The following DSCAM variants were observed in gnomAD, a reference collection of about 807,000 sequenced individuals.
The protein encoded by DSCAM is cell adhesion molecule DSCAM.
Under a neutral mutation model 217.7 loss-of-function variants are expected in DSCAM, and 47 were observed. The ratio of observed to expected loss-of-function variants is 0.22; its 90% confidence interval spans 0.17 to 0.28. The LOEUF is 0.28. DSCAM is among the 10% of genes least tolerant of loss of function. The pLI, the probability that DSCAM is intolerant of heterozygous loss-of-function variation, is 1.00. For missense variants in DSCAM, 2,080 were observed against 2,618.3 expected, an observed-to-expected ratio of 0.79 and a Z score of 4.49; for synonymous variants, 1,056 against 1,015.3, an observed-to-expected ratio of 1.04 and a Z score of -0.76.
At chr21:40,013,497 G>A (rs2088100450) in intron 32 of DSCAM, 111 bp from the exon 33 acceptor site, 3 of 702,100 alleles carry the variant, frequency 4.3e-6, no homozygotes, top group Admixed American at 3.7e-5. Context: ...GAATGCCGCT[G>A]CACACAGGTG....
intron 15 of DSCAM, among the ~76,000 whole-genome samples, chr21:40,177,647 C>A (rs1428248521): frequency 6.6e-6 from 1 of 152,162 alleles, no homozygotes; most frequent in Non-Finnish European, 1.5e-5. Flanking sequence ...AGACATACCA[C>A]CAGGATGTTC....
intron 32 of DSCAM, among the ~76,000 whole-genome samples, chr21:40,031,972 C>G (rs1341327025): frequency 1.3e-5 from 2 of 152,318 alleles, no homozygotes; most frequent in South Asian, 4.1e-4. Context: ...CAACCTTGCC[C>G]CTAGTCTCCA....
intron 3 of DSCAM, among the ~76,000 whole-genome samples, chr21:40,565,797 A>G (rs976579576): frequency 1.3e-5 from 2 of 152,136 alleles, no homozygotes; most frequent in Non-Finnish European, 2.9e-5. Flanking sequence ...TTTCAACTAC[A>G]CAGAAGGAAT....
At chr21:40,604,716 T>A (rs535504837) in intron 3 of DSCAM, among the ~76,000 whole-genome samples, 1 of 152,292 alleles carries the variant, frequency 6.6e-6, no homozygotes, top group South Asian at 2.1e-4. Context: ...TAGCTGTAAT[T>A]CACTGGTATT....
chr21:40,060,290 C>G (rs1196840414), intron 28 of DSCAM, among the ~76,000 whole-genome samples: 1 of 152,204 alleles, frequency 6.6e-6, no homozygotes, highest in Non-Finnish European at 1.5e-5. Context: ...AGGATGCTTG[C>G]TAATGTCTTT....
At chr21:40,162,092 C>T (rs539506159) in intron 16 of DSCAM, among the ~76,000 whole-genome samples, 4 of 152,208 alleles carry the variant, frequency 2.6e-5, no homozygotes, top group Non-Finnish European at 4.4e-5. Context: ...TTATTATGCA[C>T]GAACTACAAT....
chr21:40,552,807 A>T (rs572720264), intron 3 of DSCAM, among the ~76,000 whole-genome samples: 3 of 151,836 alleles, frequency 2.0e-5, no homozygotes, highest in Non-Finnish European at 4.4e-5. Flanking sequence ...TGCCACATAA[A>T]TAGTTTTGAG....
intron 10 of DSCAM, 133 bp downstream of exon 10, chr21:40,295,922 T>A (rs1355692934): frequency 3.5e-6 from 4 of 1,130,002 alleles, no homozygotes; most frequent in Admixed American, 5.4e-5. Flanking sequence ...TATGAGAGAA[T>A]GATAGGCTTG....
intron 3 of DSCAM, among the ~76,000 whole-genome samples, chr21:40,572,244 A>AT (rs1459241946): frequency 6.6e-6 from 1 of 152,144 alleles, no homozygotes; most frequent in East Asian, 1.9e-4. Flanking sequence ...ATAGTCTTAG[A>AT]TTTTTTTAAA....
At chr21:40,146,546 A>T (rs1249895927) in intron 16 of DSCAM, among the ~76,000 whole-genome samples, 2 of 152,204 alleles carry the variant, frequency 1.3e-5, no homozygotes, top group African/African-American at 4.8e-5. Flanking sequence ...CATTAGTAGT[A>T]AGTCTGACTT....
At chr21:40,837,792 G>A (rs966798416) in intron 1 of DSCAM, among the ~76,000 whole-genome samples, 1 of 152,216 alleles carries the variant, frequency 6.6e-6, no homozygotes, top group African/African-American at 2.4e-5. Context: ...CGTTTTGCTG[G>A]TAGAGGCCAT....
intron 11 of DSCAM, among the ~76,000 whole-genome samples, chr21:40,242,134 C>G (rs2073161041): frequency 1.3e-5 from 2 of 151,482 alleles, no homozygotes; most frequent in South Asian, 4.2e-4. Flanking sequence ...TGCATGTGTA[C>G]CCCTGAACCT....
intron 11 of DSCAM, among the ~76,000 whole-genome samples, chr21:40,248,034 G>A (rs1032931629): frequency 2.0e-5 from 3 of 152,210 alleles, no homozygotes; most frequent in African/African-American, 7.2e-5. Flanking sequence ...CATGGCCTGA[G>A]CTGTCCCTTC....
chr21:40,094,831 T>C (rs2089656026), intron 20 of DSCAM, among the ~76,000 whole-genome samples: 1 of 152,216 alleles, frequency 6.6e-6, no homozygotes, highest in Non-Finnish European at 1.5e-5. Context: ...CAAGAATATT[T>C]ATAGAATTTA....
At chr21:40,023,453 C>T (rs2088314517) in intron 32 of DSCAM, among the ~76,000 whole-genome samples, 1 of 150,682 alleles carries the variant, frequency 6.6e-6, no homozygotes, top group Non-Finnish European at 1.5e-5. Flanking sequence ...CACTGACTTC[C>T]ACAATGGTTG....
intron 3 of DSCAM, among the ~76,000 whole-genome samples, chr21:40,575,678 T>G (rs1242213584): frequency 1.3e-5 from 2 of 152,130 alleles, no homozygotes; most frequent in African/African-American, 4.8e-5. Flanking sequence ...TTTTTTAAAT[T>G]TGCTAATTGA....
At chr21:40,638,371 G>A (rs1441063005) in intron 3 of DSCAM, among the ~76,000 whole-genome samples, 1 of 152,074 alleles carries the variant, frequency 6.6e-6, no homozygotes, top group Non-Finnish European at 1.5e-5. Context: ...AAGGGTGGTG[G>A]TCTGCATGGA....
Position 40,278,088 on chromosome 21 carries a change from T to C in DSCAM, c.2183-1818A>G, listed in dbSNP as rs138621992. On this transcript the variant is annotated intron_variant, in intron 10 of 32. Transcript: ENST00000400454. ...CAATGTCAATTTTATTTATGTATAA[T>C]AGTAACAACCAATTGGGAATAAAAA... Among the ~76,000 whole-genome samples, 309 of 152,126 alleles carry C rather than the reference T, an allele frequency of 2.0e-3. 2 individuals carry two copies. Among genetic ancestry groups the C allele is most frequent in the African/African-American group, 7.3e-3 (302 of 41,524 alleles).
intron 8 of DSCAM, among the ~76,000 whole-genome samples, chr21:40,332,167 T>A (rs954785013): frequency 2.0e-5 from 3 of 152,214 alleles, no homozygotes; most frequent in African/African-American, 7.2e-5. Flanking sequence ...AGTCCCTCAA[T>A]ATCTTTTGCC....
Sources: gnomAD v4.1 joint callset for allele counts (sites outside exome capture counted in the v4.1 genomes callset) on GRCh38, gnomAD v4.1.1 for gene constraint, MANE v1.5 for transcripts, NCBI Gene and HGNC (gene_info 2026-07-23, HGNC 2026-07-21) for gene names.